Variants in ITGA8 observed in about 807,000 individuals in gnomAD.
ITGA8 encodes the protein integrin alpha-8.
Under a neutral mutation model 142.3 loss-of-function variants are expected in ITGA8, and 91 were observed. The observed-to-expected ratio is 0.64, with a 90% CI of 0.54 to 0.76. The LOEUF (loss-of-function observed/expected upper bound fraction) is 0.76, where lower values mean the gene tolerates loss of function less well. Among genes scored for constraint, ITGA8 ranks in the 30% least tolerant of loss-of-function variants. ITGA8 has a pLI of 0.00. For missense variants in ITGA8, 1,406 were observed against 1,327.7 expected (o/e 1.06, Z -0.92); for synonymous variants, 505 against 485.2 (o/e 1.04, Z -0.54).
In ITGA8 at chr10:15,659,021, A is replaced by G. The variant is rs988552137; in HGVS notation, c.926T>C (p.Ile309Thr). ...SIINSTDMTFIQNFTGEQMAS... is the reference protein window; with the variant it reads ...SIINSTDMTFTQNFTGEQMAS... The stretch of plus-strand genomic sequence containing the variant: ...TACCTGTTCTCCCGTGAAATTCTGA[A>G]TAAACGTCATATCCGTAGAGTTAAT... The change falls in exon 10 of 30, where the codon ATT becomes ACT. Residue 309 changes from isoleucine to threonine, a missense_variant. Ile to Thr is a moderately conservative substitution (Grantham distance 89). Transcript: ENST00000378076. 5 of 1,607,346 alleles carry G rather than the reference A, an allele frequency of 3.1e-6. No homozygotes were observed. The highest frequency in any genetic ancestry group is 1.7e-5 in the Admixed American group (1 of 59,486).
intron 23 of ITGA8, among the ~76,000 whole-genome samples, chr10:15,578,443 G>T (rs1013378761): frequency 2.0e-5 from 3 of 151,954 alleles, no homozygotes; most frequent in African/African-American, 7.2e-5. Flanking sequence ...TGCAATTTTT[G>T]GCCATTATTA....
At chr10:15,658,736 C>G (rs1314043392) in intron 10 of ITGA8, among the ~76,000 whole-genome samples, 2 of 152,194 alleles carry the variant, frequency 1.3e-5, no homozygotes, top group Non-Finnish European at 2.9e-5. Context: ...TCATGGTTCA[C>G]AATCTGAAAT....
intron 27 of ITGA8, among the ~76,000 whole-genome samples, chr10:15,533,200 T>A (rs2131544158): frequency 6.6e-6 from 1 of 152,294 alleles, no homozygotes; most frequent in East Asian, 1.9e-4. Flanking sequence ...AGATAAACGC[T>A]TTTTTCCTCT....
At chr10:15,559,850 A>G (rs1443402005) in intron 25 of ITGA8, among the ~76,000 whole-genome samples, 1 of 151,148 alleles carries the variant, frequency 6.6e-6, no homozygotes, top group Non-Finnish European at 1.5e-5. Context: ...GAGGGAGAAC[A>G]TGAGGAAAAA....
intron 13 of ITGA8, among the ~76,000 whole-genome samples, chr10:15,620,179 G>GTAATTATTA (rs1833463124): frequency 6.6e-6 from 1 of 152,212 alleles, no homozygotes; most frequent in Admixed American, 6.5e-5. Context: ...TAAATAGGGA[G>GTAATTATTA]CATAAGTAAT....
At chr10:15,586,508 C>G (rs985341433) in intron 23 of ITGA8, 76 bp downstream of exon 23, 184 of 833,282 alleles carry the variant, frequency 2.2e-4, no homozygotes, top group Admixed American at 2.4e-4. Flanking sequence ...AGGAAAATTC[C>G]ACATCATTTT....
At chr10:15,575,401 T>A in intron 24 of ITGA8, 88 bp downstream of exon 24, 1 of 930,480 alleles carries the variant, frequency 1.1e-6, no homozygotes, top group Non-Finnish European at 1.8e-6. Flanking sequence ...ATAATAATAA[T>A]GATAATGATA....
chr10:15,516,350 T>C lies in ITGA8; in HGVS notation c.*808A>G, dbSNP rs1057204986. ...TAATGTGAGTGAAAGGAATTTCAGATGGAAGGCAGCAAGGTATTAAATAGA... is the reference window on the plus strand; with the variant it reads ...TAATGTGAGTGAAAGGAATTTCAGACGGAAGGCAGCAAGGTATTAAATAGA... On this transcript the variant is annotated 3_prime_UTR_variant, in exon 30 of 30. Transcript: ENST00000378076. 6.6e-6 allele frequency: 1 copy of C among 152,236 alleles called. No individual in the cohort carries two copies. Among genetic ancestry groups the C allele is most frequent in the African/African-American group, 2.4e-5 (1 of 41,468 alleles). The allele number at this position is 152,236 out of a possible 1,614,324, so 9.4% of individuals were successfully genotyped here.
chr10:15,658,362 C>A (rs114984743), intron 10 of ITGA8, among the ~76,000 whole-genome samples: 3 of 152,110 alleles, frequency 2.0e-5, no homozygotes, highest in Non-Finnish European at 4.4e-5. Context: ...CATGTTAATA[C>A]GAAACCACTT....
chr10:15,532,429 A>G (rs1319714774), intron 27 of ITGA8, among the ~76,000 whole-genome samples: 1 of 142,552 alleles, frequency 7.0e-6, no homozygotes, highest in Admixed American at 7.3e-5. Flanking sequence ...AAAAAAAAAA[A>G]AAAAAAAAAA....
intron 28 of ITGA8, among the ~76,000 whole-genome samples, chr10:15,530,100 C>T (rs1299279450): frequency 3.3e-5 from 5 of 152,318 alleles, no homozygotes; most frequent in Admixed American, 1.3e-4. Flanking sequence ...TCACAAATAA[C>T]TGAAAAGGCA....
rs752842053 is a variant in ITGA8, at chr10:15,517,178, C to T, written c.3172G>A (p.Asp1058Asn). ...TCTTGTCATGCCTCAGGGGTCTTGT[C>T]ATTTGTCAGCTGTTCCCTGTCGGTC... Reference protein sequence around the residue: ...DMTDREQLTNDKTPEA With the variant: ...DMTDREQLTNNKTPEA Residue 1058 changes from aspartate (D) to asparagine (N), a missense_variant, in exon 30 of 30, where the codon GAC becomes AAC. Asp to Asn is a conservative substitution (Grantham distance 23, BLOSUM62 1). Coordinates refer to ENST00000378076, the MANE Select transcript of ITGA8 (RefSeq NM_003638.3). 1.2e-6 allele frequency: 2 copies of T among 1,613,024 alleles called. No homozygotes were observed. Among genetic ancestry groups the T allele is most frequent in the Non-Finnish European group, 1.7e-6 (2 of 1,179,348 alleles).
At chr10:15,555,660 C>T (rs1186740623) in intron 26 of ITGA8, among the ~76,000 whole-genome samples, 1 of 151,754 alleles carries the variant, frequency 6.6e-6, no homozygotes, top group Admixed American at 6.6e-5. Context: ...ACTCTAGCAC[C>T]CTCCTTGGTT....
intron 29 of ITGA8, 116 bp downstream of exon 29, chr10:15,519,174 G>C: frequency 8.4e-7 from 1 of 1,190,958 alleles, no homozygotes; most frequent in East Asian, 2.4e-5. Context: ...CCTTCAGACT[G>C]TTCAAAATTT....
chr10:15,629,611 C>T (rs1200391737), intron 13 of ITGA8, among the ~76,000 whole-genome samples: 2 of 152,020 alleles, frequency 1.3e-5, no homozygotes, highest in African/African-American at 4.8e-5. Flanking sequence ...GCCCTTTCCC[C>T]TTTAAATTTG....
rs577556142 is a variant in ITGA8 at position 15,692,170 on chromosome 10, C to T, written c.344-4132G>A. Among the ~76,000 whole-genome samples the T allele has an allele frequency of 4.6e-5, 7 of 151,964 alleles. No homozygotes were observed. In the South Asian group the frequency reaches 1.0e-3, roughly 23 times the overall value. On this transcript the variant is annotated intron_variant, in intron 2 of 29. Coordinates refer to ENST00000378076, the MANE Select transcript of ITGA8 (RefSeq NM_003638.3). Reference sequence around the variant, plus strand: ...CTGGCCTTGAACTCCTGAACTCAAGCGATCTTCCCACCTTGGCCTCCCAAA... The same window carrying T: ...CTGGCCTTGAACTCCTGAACTCAAGTGATCTTCCCACCTTGGCCTCCCAAA...
At chr10:15,660,372 CAGA>C (rs1319943570) in intron 9 of ITGA8, among the ~76,000 whole-genome samples, 1 of 152,218 alleles carries the variant, frequency 6.6e-6, no homozygotes, top group Admixed American at 6.5e-5. Flanking sequence ...GCACATGGAT[CAGA>C]AGAAATCTAA....
chr10:15,646,057 AT>A (rs1258499200), intron 12 of ITGA8, among the ~76,000 whole-genome samples: 1 of 152,192 alleles, frequency 6.6e-6, no homozygotes, highest in Non-Finnish European at 1.5e-5. Context: ...TTGTCTTGAC[AT>A]ATAGAAGGTT....
Position 15,700,892 on chromosome 10 carries a change from G to A in ITGA8, c.344-12854C>T, listed in dbSNP as rs1435578388. On this transcript the variant is annotated intron_variant, in intron 2 of 29. Transcript: ENST00000378076. ...GTGCTTACCACTATCTGAGATGATC[G>A]TATTGGCATGTTTACTGCAATAGTA... 2.7e-4 allele frequency among the ~76,000 whole-genome samples: 41 copies of A among 152,000 alleles called. 1 individual carries two copies. The highest frequency in any genetic ancestry group is 2.6e-3 in the Admixed American group (40 of 15,248).
Sources: gnomAD v4.1 joint callset for allele counts (sites outside exome capture counted in the v4.1 genomes callset) on GRCh38, gnomAD v4.1.1 for gene constraint, MANE v1.5 for transcripts, NCBI Gene and HGNC (gene_info 2026-07-23, HGNC 2026-07-21) for gene names.